The following CTNNA3 variants were observed in gnomAD, a reference collection of about 807,000 sequenced individuals.
CTNNA3 encodes the protein catenin alpha 3.
Under a neutral mutation model 95.7 loss-of-function variants are expected in CTNNA3, and 76 were observed. That is an observed-to-expected ratio of 0.79 (90% CI 0.66 to 0.96). The LOEUF is 0.96. Ranked by LOEUF, CTNNA3 falls within the 40% of genes least tolerant of loss-of-function variation. The probability of loss-of-function intolerance (pLI) is 0.00; values close to 1 mark genes in which losing one functional copy is unlikely to be tolerated. For missense variants in CTNNA3, 1,191 were observed against 1,089.8 expected (o/e 1.09, Z -1.31); for synonymous variants, 431 against 374.4 (o/e 1.15, Z -1.74).
chr10:67,727,582 A>G (rs1376202897), intron 1 of CTNNA3, among the ~76,000 whole-genome samples: 2 of 128,920 alleles, frequency 1.6e-5, no homozygotes, highest in Non-Finnish European at 1.6e-5. Flanking sequence ...AGCATAATAT[A>G]TGATATATAT....
intron 10 of CTNNA3, 105 bp from the exon 11 acceptor site, chr10:66,520,878 T>A (rs984854035): frequency 1.8e-6 from 1 of 542,072 alleles, no homozygotes; most frequent in Non-Finnish European, 3.1e-6. Context: ...AATATATTCA[T>A]GTAAGAAATC....
intron 5 of CTNNA3, among the ~76,000 whole-genome samples, chr10:67,499,452 G>T (rs1839157575): frequency 6.6e-6 from 1 of 152,176 alleles, no homozygotes; most frequent in Admixed American, 6.5e-5. Context: ...CTCATAAAAT[G>T]AGTTAGGGAG....
intron 1 of CTNNA3, among the ~76,000 whole-genome samples, chr10:67,690,371 T>C (rs1840819588): frequency 6.6e-6 from 1 of 152,094 alleles, no homozygotes; most frequent in African/African-American, 2.4e-5. Flanking sequence ...GCTTCCACAG[T>C]GTGGAAGGGG....
chr10:66,479,336 C>T (rs561895328), intron 11 of CTNNA3, among the ~76,000 whole-genome samples: 1 of 152,044 alleles, frequency 6.6e-6, no homozygotes, highest in East Asian at 1.9e-4. Context: ...CAAATATGTT[C>T]AAATTATTGT....
chr10:67,346,580 C>T (rs917928961), intron 5 of CTNNA3: 13 of 232,048 alleles, frequency 5.6e-5, no homozygotes, highest in Non-Finnish European at 9.2e-5. Context: ...TTAGAACAGA[C>T]GAGGCTTGGA....
intron 7 of CTNNA3, among the ~76,000 whole-genome samples, chr10:66,849,266 G>A (rs1047463051): frequency 2.0e-5 from 3 of 152,090 alleles, no homozygotes; most frequent in Non-Finnish European, 4.4e-5. Context: ...GAAATAATCA[G>A]GCTGACAAGC....
chr10:67,241,420 C>CAA (rs796801093), intron 5 of CTNNA3, among the ~76,000 whole-genome samples: 3 of 133,260 alleles, frequency 2.3e-5, no homozygotes, highest in Admixed American at 1.5e-4. Context: ...GAGACTGTTT[C>CAA]AAAAAAAAAA....
At chr10:66,141,275 A>AG (rs1274825287) in intron 13 of CTNNA3, among the ~76,000 whole-genome samples, 2 of 151,948 alleles carry the variant, frequency 1.3e-5, no homozygotes, top group Non-Finnish European at 2.9e-5. Context: ...TAAAAAAAAA[A>AG]AAAGAAAGAA....
chr10:67,319,109 C>A (rs1347270839), intron 5 of CTNNA3, among the ~76,000 whole-genome samples: 1 of 152,116 alleles, frequency 6.6e-6, no homozygotes, highest in Non-Finnish European at 1.5e-5. Context: ...TGTGATCAGC[C>A]CCCAATAAAA....
At chr10:66,024,084 C>CCTTTTT (rs1183185763) in intron 15 of CTNNA3, among the ~76,000 whole-genome samples, 3 of 62,680 alleles carry the variant, frequency 4.8e-5, no homozygotes, top group Non-Finnish European at 1.0e-4. Flanking sequence ...ATACCATACA[C>CCTTTTT]ATTTTTTTTT....
chr10:66,273,757 A>T (rs1436577606), intron 13 of CTNNA3, among the ~76,000 whole-genome samples: 1 of 152,152 alleles, frequency 6.6e-6, no homozygotes, highest in Non-Finnish European at 1.5e-5. Flanking sequence ...TGAATATAAA[A>T]TTTGGAAATT....
At chr10:67,021,791 A>T (rs1051931745) in intron 7 of CTNNA3, among the ~76,000 whole-genome samples, 7 of 152,178 alleles carry the variant, frequency 4.6e-5, no homozygotes, top group African/African-American at 1.7e-4. Flanking sequence ...TGTGATGCTG[A>T]ATTAGGACAA....
rs2077903042 is a variant in CTNNA3 at position 65,963,787 on chromosome 10, A to G, written c.2400+2825T>C. 1.3e-5 allele frequency among the ~76,000 whole-genome samples: 2 copies of G among 152,184 alleles called. 1 individual carries two copies. Among genetic ancestry groups the G allele is most frequent in the South Asian group, 4.1e-4 (2 of 4,834 alleles). On this transcript the variant is annotated intron_variant, in intron 17 of 17. Coordinates refer to ENST00000433211, the MANE Select transcript of CTNNA3 (RefSeq NM_013266.4). The stretch of plus-strand genomic sequence containing the variant: ...TACAGGTAAAACATGCAACTTCAAG[A>G]TGAGTGCTTGCAATATAGATGTAAG...
intron 15 of CTNNA3, among the ~76,000 whole-genome samples, chr10:65,994,532 G>C (rs2078611622): frequency 1.3e-5 from 2 of 151,576 alleles, no homozygotes; most frequent in Admixed American, 1.3e-4. Context: ...GTTTTAATAA[G>C]GTTTCCTTTA....
At chr10:65,986,353 A>T (rs543034973) in intron 16 of CTNNA3, among the ~76,000 whole-genome samples, 18 of 151,332 alleles carry the variant, frequency 1.2e-4, no homozygotes, top group African/African-American at 4.1e-4. Context: ...TAGATTTGAT[A>T]AAAAAATTCA....
rs137931301 is a variant in CTNNA3, at chr10:67,167,930, C to T, written c.1047+12387G>A. 6.1e-3 allele frequency among the ~76,000 whole-genome samples: 930 copies of T among 152,172 alleles called. 9 individuals are homozygous for T. Among genetic ancestry groups the T allele is most frequent in the African/African-American group, 0.021 (888 of 41,524 alleles). Reference sequence around the variant, plus strand: ...GGTAAATCACCTGAGGTCAGGAGTTCCAGACCACCCTGGCCAACATGGTGA... The same window carrying T: ...GGTAAATCACCTGAGGTCAGGAGTTTCAGACCACCCTGGCCAACATGGTGA... On this transcript the variant is annotated intron_variant, in intron 7 of 17. Coordinates refer to ENST00000433211, the MANE Select transcript of CTNNA3 (RefSeq NM_013266.4).
intron 11 of CTNNA3, among the ~76,000 whole-genome samples, chr10:66,503,432 G>A (rs1248936104): frequency 5.3e-5 from 8 of 152,088 alleles, no homozygotes; most frequent in Non-Finnish European, 5.9e-5. Flanking sequence ...GGAAATGACA[G>A]AATTATCTAT....
chr10:67,579,599 T>C lies in CTNNA3; in HGVS notation c.292+27258A>G, dbSNP rs1589448598. ...TGGGGTCACTGGGTCAAATGGTATTTCTAGTTCTAGATCCTTGAGGAATCG... is the reference window on the plus strand; with the variant it reads ...TGGGGTCACTGGGTCAAATGGTATTCCTAGTTCTAGATCCTTGAGGAATCG... On this transcript the variant is annotated intron_variant, in intron 3 of 17. Transcript: ENST00000433211. Among the ~76,000 whole-genome samples, 3 of 152,328 alleles carry C rather than the reference T, an allele frequency of 2.0e-5. No homozygotes were observed. The Middle Eastern group carries it at 0.01, about 518-fold the overall frequency.
At chr10:67,726,993 TATATATA>T (rs1487890583) in intron 1 of CTNNA3, among the ~76,000 whole-genome samples, 2 of 113,210 alleles carry the variant, frequency 1.8e-5, no homozygotes, top group African/African-American at 7.2e-5. Context: ...CATATATAAT[TATATATA>T]ATATATGATA....
Sources: gnomAD v4.1 joint callset for allele counts (sites outside exome capture counted in the v4.1 genomes callset) on GRCh38, gnomAD v4.1.1 for gene constraint, MANE v1.5 for transcripts, NCBI Gene and HGNC (gene_info 2026-07-23, HGNC 2026-07-21) for gene names.